CDH17: variants seen among roughly 807,000 people sequenced by gnomAD.
The protein encoded by CDH17 is cadherin-17.
CDH17 carries 67 observed loss-of-function variants against 86.3 expected under a neutral mutation model. That is an observed-to-expected ratio of 0.78 (90% CI 0.64 to 0.95). The LOEUF (loss-of-function observed/expected upper bound fraction) is 0.95. CDH17 is among the 40% of genes least tolerant of loss of function. CDH17 has a pLI of 0.00. For missense variants in CDH17, 993 were observed against 1,017.6 expected (o/e 0.98, Z 0.33); for synonymous variants, 367 against 366.4 (o/e 1.00, Z -0.02).
intron 9 of CDH17, 80 bp downstream of exon 9, chr8:94,170,317 G>A: frequency 1.4e-6 from 2 of 1,440,440 alleles, no homozygotes; most frequent in Middle Eastern, 3.6e-4. Flanking sequence ...CTCCCAGTAA[G>A]GTCTCCTGCT....
At position 94,177,109 on chromosome 8, in the gene CDH17, C is replaced by T. The variant is rs113930355; in HGVS notation, c.286-430G>A. Among the ~76,000 whole-genome samples the T allele has an allele frequency of 3.2e-3, 487 of 152,298 alleles. 2 individuals are homozygous for T. The highest frequency in any genetic ancestry group is 0.011 in the African/African-American group (461 of 41,566). ...ACTTTCCTAGGTATTCAGATACCAACGGTGAAAACTAAAGGAGAAAGAGAG... is the reference window on the plus strand; with the variant it reads ...ACTTTCCTAGGTATTCAGATACCAATGGTGAAAACTAAAGGAGAAAGAGAG... On this transcript the variant is annotated intron_variant, in intron 4 of 17. Transcript: ENST00000027335.
chr8:94,212,495 TTGAG>T (rs1814138542), upstream of CDH17, among the ~76,000 whole-genome samples: 1 of 91,280 alleles, frequency 1.1e-5, no homozygotes, highest in Non-Finnish European at 2.6e-5. Context: ...TTCTCTGTTG[TTGAG>T]TTTTTTTTTT....
rs1383674046 is a variant in CDH17, at chr8:94,173,780, T to C, written c.783+17A>G. 1.2e-6 allele frequency: 2 copies of C among 1,606,298 alleles called. No homozygotes were observed. Among genetic ancestry groups the C allele is most frequent in the Non-Finnish European group, 8.5e-7 (1 of 1,173,376 alleles). The stretch of plus-strand genomic sequence containing the variant: ...TTATCTAGTTGGCTCTCAGTGTTAC[T>C]TGGGCTTGGGTACTACCTGAGTGAT... On this transcript the variant is annotated intron_variant, in intron 7 of 17. Transcript: ENST00000027335.
chr8:94,208,739 T>TA (rs1814076896), upstream of CDH17, among the ~76,000 whole-genome samples: 1 of 152,198 alleles, frequency 6.6e-6, no homozygotes, highest in Non-Finnish European at 1.5e-5. Context: ...AAGTTTAACT[T>TA]ACATCTAATC....
Position 94,148,783 on chromosome 8 carries a change from C to G in CDH17, c.1888G>C (p.Gly630Arg), listed in dbSNP as rs201852873. 1.3e-6 allele frequency: 2 copies of G among 1,593,920 alleles called. No homozygotes were observed. The highest frequency in any genetic ancestry group is 2.8e-5 in the African/African-American group (2 of 72,380). ...FSVAPLDREA[G>R]SPYRVQVVAT... ...ACCACTTGTACCCGATATGGACTTCCGGCTTCTCTGTCCAATGGAGCCACA... is the reference window on the plus strand; with the variant it reads ...ACCACTTGTACCCGATATGGACTTCGGGCTTCTCTGTCCAATGGAGCCACA... Residue 630 changes from glycine to arginine, a missense_variant, in exon 14 of 18, where the codon GGA (glycine) becomes CGA (arginine). Transcript: ENST00000027335.
intron 1 of CDH17, among the ~76,000 whole-genome samples, chr8:94,196,468 A>G (rs1342451938): frequency 2.0e-5 from 3 of 152,050 alleles, no homozygotes; most frequent in Non-Finnish European, 4.4e-5. Context: ...ACTTTGGGAG[A>G]CCGAGGCAGG....
At chr8:94,147,871 C>T (rs183086747) in intron 14 of CDH17, among the ~76,000 whole-genome samples, 14 of 152,274 alleles carry the variant, frequency 9.2e-5, no homozygotes, top group African/African-American at 2.2e-4. Context: ...CACCTGATTT[C>T]GTCAAAACAC....
At chr8:94,141,271 G>GA (rs142414503) in intron 15 of CDH17, among the ~76,000 whole-genome samples, 79,059 of 148,404 alleles carry the variant, frequency 0.53, 23,339 homozygotes, top group Non-Finnish European at 0.68. Context: ...TCCAATTTAG[G>GA]AAAAAAAAAA....
intron 14 of CDH17, among the ~76,000 whole-genome samples, chr8:94,147,461 C>T (rs1364553174): frequency 6.6e-6 from 1 of 151,914 alleles, no homozygotes; most frequent in East Asian, 1.9e-4. Flanking sequence ...CAGCTCTCAA[C>T]CCTGGCCCTC....
At chr8:94,200,532 CTTTTGTTTT>C (rs1188477541) in intron 1 of CDH17, among the ~76,000 whole-genome samples, 1,370 of 50,196 alleles carry the variant, frequency 0.027, 61 homozygotes, top group African/African-American at 0.062. Flanking sequence ...TTATTATTAT[CTTTTGTTTT>C]TTTTTTTTTT....
At chr8:94,200,568 T>TA (rs1813891289) in intron 1 of CDH17, among the ~76,000 whole-genome samples, 1 of 93,074 alleles carries the variant, frequency 1.1e-5, no homozygotes, top group Non-Finnish European at 2.1e-5. Context: ...TTTTTTTTTT[T>TA]ACAAAAAAAG....
chr8:94,162,127 TA>T lies in CDH17; in HGVS notation c.1317del (p.Ile440LeufsTer18). 1 of 1,607,788 alleles carries T rather than the reference TA, an allele frequency of 6.2e-7. No homozygotes were observed. Among genetic ancestry groups the T allele is most frequent in the Non-Finnish European group, 8.5e-7 (1 of 1,174,352 alleles). On this transcript the variant is annotated frameshift_variant, in exon 11 of 18. Transcript: ENST00000027335. LOFTEE classifies it high-confidence loss of function. ...ATGGGGATCTGATCATTGATATCAA[TA>T]ACGTTGATTTGCACAAAACAAAGGG... ...FKTLCFVQIN[V>X]IDINDQIPIF...
chr8:94,156,945 A>G (rs1486419179), intron 12 of CDH17, among the ~76,000 whole-genome samples: 2 of 152,206 alleles, frequency 1.3e-5, no homozygotes, highest in South Asian at 2.1e-4. Context: ...CAAGGCCACA[A>G]GCTAGTAAGT....
At chr8:94,204,784 C>T (rs1201891915) in intron 1 of CDH17, among the ~76,000 whole-genome samples, 1 of 152,132 alleles carries the variant, frequency 6.6e-6, no homozygotes, top group Non-Finnish European at 1.5e-5. Context: ...CTCCCCAAGA[C>T]AGAGCAAGGG....
At chr8:94,164,650 T>G (rs1021069319) in intron 10 of CDH17, among the ~76,000 whole-genome samples, 2 of 152,192 alleles carry the variant, frequency 1.3e-5, no homozygotes, top group Admixed American at 1.3e-4. Context: ...GACAGAAACA[T>G]GAAGCACAGT....
chr8:94,168,335 C>T (rs1279137917), intron 9 of CDH17, among the ~76,000 whole-genome samples: 11 of 141,036 alleles, frequency 7.8e-5, no homozygotes, highest in South Asian at 2.3e-4. Context: ...GACAGGGTTT[C>T]GCCATGTTGG....
intron 9 of CDH17, among the ~76,000 whole-genome samples, chr8:94,168,101 T>A (rs1213480251): frequency 6.6e-4 from 1 of 1,512 alleles, no homozygotes; most frequent in African/African-American, 1.8e-3. Context: ...CTGGGGAATA[T>A]ATATATATAT....
intron 1 of CDH17, among the ~76,000 whole-genome samples, chr8:94,199,075 ATATATATATTTTTTTT>A (rs1309701981): frequency 3.0e-4 from 3 of 9,926 alleles, no homozygotes; most frequent in African/African-American, 7.0e-4. Flanking sequence ...ATATATATAT[ATATATATATTTTTTTT>A]TTTTTATCAT....
At position 94,146,108 on chromosome 8, in the gene CDH17, T is replaced by G; in HGVS notation, c.1987A>C (p.Asn663His). The G allele has an allele frequency of 1.2e-6, 2 of 1,611,944 alleles. No individual in the cohort carries two copies. Among genetic ancestry groups the G allele is most frequent in the East Asian group, 4.5e-5 (2 of 44,812 alleles). The stretch of plus-strand genomic sequence containing the variant: ...TAGTCCTTGGCTAGCCTGGGAGGGT[T>G]GTCATTCACATCCATAAGGATCAGG... ...FHLILMDVND[N>H]PPRLAKDYTG... Residue 663 changes from asparagine (N) to histidine (H), a missense_variant, in exon 15 of 18, where the codon AAC (asparagine) becomes CAC (histidine). Physicochemically the swap from Asn to His is moderately conservative, Grantham distance 68 (BLOSUM62 1). Transcript: ENST00000027335.
Sources: gnomAD v4.1 joint callset for allele counts (sites outside exome capture counted in the v4.1 genomes callset) on GRCh38, gnomAD v4.1.1 for gene constraint, MANE v1.5 for transcripts, NCBI Gene and HGNC (gene_info 2026-07-23, HGNC 2026-07-21) for gene names.